SATB1: variants seen among roughly 807,000 people sequenced by gnomAD.
SATB1 encodes SATB homeobox 1.
Under a neutral mutation model 86.9 loss-of-function variants are expected in SATB1, and 11 were observed. The ratio of observed to expected loss-of-function variants is 0.13; its 90% CI spans 0.08 to 0.21. The LOEUF (loss-of-function observed/expected upper bound fraction) is 0.21, where lower values mean the gene tolerates loss of function less well. SATB1 is among the 10% of genes least tolerant of loss of function. The pLI is 1.00. For missense variants in SATB1, 551 were observed against 937.6 expected, an observed-to-expected ratio of 0.59 and a Z score of 5.39; for synonymous variants, 357 against 357.2, an observed-to-expected ratio of 1.00 and a Z score of 0.01.
At chr3:18,382,623 C>T (rs1696123146) in intron 8 of SATB1, among the ~76,000 whole-genome samples, 1 of 152,084 alleles carries the variant, frequency 6.6e-6, no homozygotes, top group Non-Finnish European at 1.5e-5. Context: ...CTGGGTTCTC[C>T]CAGATATTTT....
chr3:18,410,927 G>A lies in SATB1; in HGVS notation c.639+4184C>T, dbSNP rs77849676. Reference sequence around the variant, plus strand: ...ACACCTAAGTGTATTTAATTCCTACGGAAATGACTGTCATGTTTCAGGAGA... The same window carrying A: ...ACACCTAAGTGTATTTAATTCCTACAGAAATGACTGTCATGTTTCAGGAGA... On this transcript the variant is annotated intron_variant, in intron 5 of 10. Transcript: ENST00000338745. The A allele has an allele frequency of 4.0e-3, 1,561 of 391,470 alleles. 28 individuals carry two copies. The highest frequency in any genetic ancestry group is 0.03 in the African/African-American group (1,466 of 48,424). 24.2% of individuals were successfully genotyped at this position (391,470 alleles called of 1,614,324 possible).
chr3:18,434,253 A>G (rs1698985584), intron 2 of SATB1, among the ~76,000 whole-genome samples: 2 of 152,080 alleles, frequency 1.3e-5, no homozygotes, highest in Admixed American at 1.3e-4. Context: ...AATTTACAAC[A>G]CTGCAACCAA....
At chr3:18,436,604 A>G (rs1699070666) in intron 2 of SATB1, among the ~76,000 whole-genome samples, 1 of 152,182 alleles carries the variant, frequency 6.6e-6, no homozygotes, top group African/African-American at 2.4e-5. Flanking sequence ...AATTAGAAAG[A>G]AAATTCTCTT....
chr3:18,383,210 T>G (rs909142535), intron 8 of SATB1, among the ~76,000 whole-genome samples: 4 of 152,232 alleles, frequency 2.6e-5, no homozygotes, highest in Non-Finnish European at 4.4e-5. Flanking sequence ...GCATCTCACC[T>G]GGACTGGGCC....
chr3:18,409,785 A>T (rs1037082916), intron 5 of SATB1: 3 of 152,052 alleles, frequency 2.0e-5, no homozygotes, highest in African/African-American at 7.2e-5. Flanking sequence ...TTATACTGGG[A>T]AGGGGCAAGT....
At chr3:18,415,613 T>G (rs778478078) in intron 4 of SATB1, among the ~76,000 whole-genome samples, 2 of 152,056 alleles carry the variant, frequency 1.3e-5, no homozygotes, top group Non-Finnish European at 2.9e-5. Context: ...AATAAATAAA[T>G]AAGACTGTGG....
intron 7 of SATB1, among the ~76,000 whole-genome samples, chr3:18,391,211 C>T (rs2125108526): frequency 6.6e-6 from 1 of 152,086 alleles, no homozygotes; most frequent in African/African-American, 2.4e-5. Flanking sequence ...ATAGTTAAAA[C>T]CTAAGACCCA....
Position 18,386,647 on chromosome 3 carries a change from C to A in SATB1, c.1207-36G>T, listed in dbSNP as rs758408329. The A allele has an allele frequency of 1.3e-6, 2 of 1,554,790 alleles. No individual in the cohort carries two copies. Among genetic ancestry groups the A allele is most frequent in the Non-Finnish European group, 1.8e-6 (2 of 1,127,024 alleles). On this transcript the variant is annotated intron_variant, in intron 7 of 10. Coordinates refer to ENST00000338745, the MANE Select transcript of SATB1 (RefSeq NM_002971.6). The surrounding 1 kb of genome is among the most constrained non-coding windows in gnomAD (Gnocchi z 4.5). ...TGAAAGGCACAGGGTGAGCCTGCTG[C>A]CTTGCTTTGCCTGGCCAGCAGTGAT...
intron 9 of SATB1, among the ~76,000 whole-genome samples, chr3:18,367,497 T>C (rs1272657683): frequency 6.6e-6 from 1 of 152,188 alleles, no homozygotes; most frequent in Non-Finnish European, 1.5e-5. Flanking sequence ...AGATAAAGTT[T>C]GTAACACTTC....
chr3:18,417,702 G>A (rs1320330822), intron 2 of SATB1: 2 of 695,584 alleles, frequency 2.9e-6, no homozygotes, highest in Non-Finnish European at 5.2e-6. Context: ...TTCAATATCT[G>A]CATAATGTAG....
upstream of SATB1, among the ~76,000 whole-genome samples, chr3:18,425,781 G>A (rs956992067): frequency 6.6e-6 from 1 of 150,746 alleles, no homozygotes; most frequent in Non-Finnish European, 1.5e-5. Flanking sequence ...GGGAGCGCGC[G>A]GCGCGCGGGC....
intron 5 of SATB1, chr3:18,411,158 A>T: frequency 2.9e-6 from 1 of 344,256 alleles, no homozygotes; most frequent in Non-Finnish European, 5.2e-6. Context: ...AAATAAAAAT[A>T]ACACTTCTCA....
chr3:18,373,713 C>G (rs1325296122), intron 9 of SATB1, among the ~76,000 whole-genome samples: 1 of 152,064 alleles, frequency 6.6e-6, no homozygotes, highest in African/African-American at 2.4e-5. Flanking sequence ...TCTCTCTCAT[C>G]CTAGGGGCCA....
chr3:18,439,208 C>T (rs1035850647), upstream of SATB1, among the ~76,000 whole-genome samples: 6 of 152,188 alleles, frequency 3.9e-5, no homozygotes, highest in Admixed American at 1.3e-4. Context: ...AACTAAACTA[C>T]ATCACCGCAT....
intron 9 of SATB1, among the ~76,000 whole-genome samples, chr3:18,361,341 A>G (rs1694896922): frequency 6.6e-6 from 1 of 152,184 alleles, no homozygotes; most frequent in African/African-American, 2.4e-5. Flanking sequence ...AGAATTAAGT[A>G]AAATAATTCA....
At chr3:18,392,339 C>T (rs1374928836) in intron 7 of SATB1, among the ~76,000 whole-genome samples, 1 of 152,000 alleles carries the variant, frequency 6.6e-6, no homozygotes, top group African/African-American at 2.4e-5. Context: ...TTTTAAGGAC[C>T]AAAGGCAGAA....
intron 8 of SATB1, among the ~76,000 whole-genome samples, chr3:18,380,213 T>C (rs1221104380): frequency 1.3e-5 from 2 of 152,166 alleles, no homozygotes; most frequent in African/African-American, 4.8e-5. Flanking sequence ...CTGAATGTTA[T>C]GGAAATGGGG....
chr3:18,434,191 T>C (rs1698983214), intron 2 of SATB1, among the ~76,000 whole-genome samples: 1 of 152,054 alleles, frequency 6.6e-6, no homozygotes, highest in Non-Finnish European at 1.5e-5. Flanking sequence ...GTAACAAGGC[T>C]CTCAAAAATA....
Position 18,386,329 on chromosome 3 carries a change from A to G in SATB1, c.1419+70T>C. 8.5e-7 allele frequency: 1 copy of G among 1,170,234 alleles called. No individual in the cohort carries two copies. Among genetic ancestry groups the G allele is most frequent in the Non-Finnish European group, 1.2e-6 (1 of 802,048 alleles). The allele number at this position is 1,170,234 out of a possible 1,614,324, so 72.5% of individuals were successfully genotyped here. On this transcript the variant is annotated intron_variant, in intron 8 of 10. Coordinates refer to ENST00000338745, the MANE Select transcript of SATB1 (RefSeq NM_002971.6). The surrounding 1 kb of genome is among the most constrained non-coding windows in gnomAD (Gnocchi z 4.5). ...TATGTATCTATCTATCTAATTTCTT[A>G]TTGAGATTCTTCCTCAAGCATTAAA...
Sources: gnomAD v4.1 joint callset for allele counts (sites outside exome capture counted in the v4.1 genomes callset) on GRCh38, gnomAD v4.1.1 for gene constraint, Gnocchi (gnomAD v3.1) non-coding constraint, MANE v1.5 for transcripts, NCBI Gene and HGNC (gene_info 2026-07-23, HGNC 2026-07-21) for gene names.